The following GALNT17 variants were observed in gnomAD, a reference collection of about 807,000 sequenced individuals.
GALNT17 encodes UDP-GalNAc:polypeptide N-acetylgalactosaminyltransferase-like 3.
GALNT17 carries 29 observed loss-of-function variants against 63.7 expected under a neutral mutation model. The observed-to-expected ratio is 0.46, with a 90% CI of 0.34 to 0.62. GALNT17 has a LOEUF of 0.62. Ranked by LOEUF, GALNT17 falls within the 20% of genes least tolerant of loss-of-function variation. The pLI is 0.01. For missense variants in GALNT17, 603 were observed against 799.6 expected (o/e 0.75, Z 2.97); for synonymous variants, 305 against 318.3 (o/e 0.96, Z 0.45).
intron 1 of GALNT17, among the ~76,000 whole-genome samples, chr7:71,169,373 G>A (rs1788503859): frequency 6.6e-6 from 1 of 152,018 alleles, no homozygotes; most frequent in Admixed American, 6.6e-5. Context: ...TCTGTCTCTT[G>A]GGGATAACTG....
rs763391789 is a variant in GALNT17, at chr7:71,670,133, T to C, written c.1404+24T>C. 3 of 1,613,676 alleles carry C rather than the reference T, an allele frequency of 1.9e-6. No individual in the cohort carries two copies. The Admixed American group carries it at 5.0e-5, about 27-fold the overall frequency. On this transcript the variant is annotated intron_variant, in intron 8 of 10. Transcript: ENST00000333538. ...AGGTAATTCAGACCGTGCATGCTTT[T>C]GGCTTGGAATGCTGTTCAATATGCT...
intron 5 of GALNT17, among the ~76,000 whole-genome samples, chr7:71,435,572 A>G (rs1321074224): frequency 1.3e-5 from 2 of 152,306 alleles, no homozygotes; most frequent in East Asian, 3.9e-4. Context: ...GGTGCCACCC[A>G]GATCTATAAA....
At chr7:71,536,784 G>T (rs1336492844) in intron 5 of GALNT17, among the ~76,000 whole-genome samples, 1 of 152,210 alleles carries the variant, frequency 6.6e-6, no homozygotes, top group East Asian at 1.9e-4. Context: ...CAGCAATAAA[G>T]ATAAGTTCCA....
At chr7:71,511,182 A>G (rs546372203) in intron 5 of GALNT17, among the ~76,000 whole-genome samples, 1 of 152,126 alleles carries the variant, frequency 6.6e-6, no homozygotes, top group East Asian at 1.9e-4. Context: ...CCCTGTCTCT[A>G]AAAAAGAGAG....
intron 6 of GALNT17, among the ~76,000 whole-genome samples, chr7:71,612,236 T>A (rs117073296): frequency 6.6e-6 from 1 of 152,166 alleles, no homozygotes; most frequent in South Asian, 2.1e-4. Context: ...ATGCTTTGGA[T>A]TTTTTGTTTG....
At chr7:71,192,217 C>T (rs2116340910) in intron 1 of GALNT17, among the ~76,000 whole-genome samples, 1 of 152,186 alleles carries the variant, frequency 6.6e-6, no homozygotes, top group Non-Finnish European at 1.5e-5. Flanking sequence ...ACACTGGCAG[C>T]TGATTTGTTG....
chr7:71,207,126 G>A (rs1636495), intron 1 of GALNT17, among the ~76,000 whole-genome samples: 49,655 of 151,394 alleles, frequency 0.33, 10,715 homozygotes, highest in African/African-American at 0.61. Flanking sequence ...AAAAAAGACC[G>A]ATCAGTAGCA....
At chr7:71,442,253 A>G (rs1402294932) in intron 5 of GALNT17, among the ~76,000 whole-genome samples, 2 of 152,036 alleles carry the variant, frequency 1.3e-5, no homozygotes, top group African/African-American at 2.4e-5. Flanking sequence ...CTGGAGTGCA[A>G]TGGCCCGATC....
At chr7:71,604,408 T>A (rs1420134528) in intron 6 of GALNT17, among the ~76,000 whole-genome samples, 2 of 152,192 alleles carry the variant, frequency 1.3e-5, no homozygotes, top group Non-Finnish European at 2.9e-5. Context: ...CGTACACCAG[T>A]ACTATGCTAA....
chr7:71,542,337 TAAA>T (rs763563724), intron 5 of GALNT17, among the ~76,000 whole-genome samples: 7 of 149,192 alleles, frequency 4.7e-5, no homozygotes, highest in African/African-American at 1.5e-4. Flanking sequence ...TATTGGAATT[TAAA>T]AAAAAAACCT....
intron 5 of GALNT17, among the ~76,000 whole-genome samples, chr7:71,530,712 C>T (rs947142942): frequency 3.9e-5 from 6 of 152,064 alleles, no homozygotes; most frequent in Non-Finnish European, 5.9e-5. Flanking sequence ...GGACTACAGG[C>T]GCCCGCCTAC....
intron 1 of GALNT17, among the ~76,000 whole-genome samples, chr7:71,258,436 C>T (rs754166814): frequency 6.6e-6 from 1 of 152,198 alleles, no homozygotes; most frequent in South Asian, 2.1e-4. Flanking sequence ...ATGCAGGTTA[C>T]AAGTCAGTTC....
chr7:71,190,644 T>A (rs1047977802), intron 1 of GALNT17, among the ~76,000 whole-genome samples: 1 of 152,124 alleles, frequency 6.6e-6, no homozygotes, highest in Non-Finnish European at 1.5e-5. Context: ...AATTAAAAAA[T>A]TTTTTGAGAC....
At chr7:71,489,030 A>G (rs1787961499) in intron 5 of GALNT17, among the ~76,000 whole-genome samples, 1 of 146,012 alleles carries the variant, frequency 6.8e-6, no homozygotes, top group Admixed American at 7.1e-5. Context: ...AGTACCTGGG[A>G]CTACAGGCGA....
At chr7:71,418,069 G>A (rs912830189) in intron 4 of GALNT17, among the ~76,000 whole-genome samples, 1 of 152,190 alleles carries the variant, frequency 6.6e-6, no homozygotes, top group Non-Finnish European at 1.5e-5. Flanking sequence ...TTGGCACTGA[G>A]TGATTTCTCA....
chr7:71,410,316 G>A (rs150498767), intron 3 of GALNT17, among the ~76,000 whole-genome samples: 153 of 151,696 alleles, frequency 1.0e-3, no homozygotes, highest in Middle Eastern at 6.9e-3. Flanking sequence ...CATGATCTTG[G>A]CTCACTGCAA....
intron 6 of GALNT17, among the ~76,000 whole-genome samples, chr7:71,650,795 TC>T (rs1790743040): frequency 6.6e-6 from 1 of 152,176 alleles, no homozygotes; most frequent in Non-Finnish European, 1.5e-5. Context: ...CCCTCCCTGC[TC>T]TGCCAGCTTC....
At chr7:71,312,309 C>T (rs974711516) in intron 1 of GALNT17, among the ~76,000 whole-genome samples, 2 of 152,166 alleles carry the variant, frequency 1.3e-5, no homozygotes, top group Non-Finnish European at 2.9e-5. Context: ...AGCCAACAAC[C>T]CTCCCAGGCC....
In GALNT17 at chr7:71,248,418, A is replaced by G. The variant is rs543667014; in HGVS notation, c.239-87132A>G. 2.0e-5 allele frequency among the ~76,000 whole-genome samples: 3 copies of G among 152,308 alleles called. No individual in the cohort carries two copies. In the South Asian group the frequency reaches 6.2e-4, roughly 32 times the overall value. On this transcript the variant is annotated intron_variant, in intron 1 of 10. Transcript: ENST00000333538. ...GGGTGGTCAAGGCAGAAGAAAATCC[A>G]TGTATAAGTGGACCCATGTAATTCA...
Sources: gnomAD v4.1 joint callset for allele counts (sites outside exome capture counted in the v4.1 genomes callset) on GRCh38, gnomAD v4.1.1 for gene constraint, MANE v1.5 for transcripts, NCBI Gene and HGNC (gene_info 2026-07-23, HGNC 2026-07-21) for gene names.